Variants in AKR1C3 observed in about 807,000 individuals in gnomAD.
AKR1C3 encodes aldo-keto reductase family 1 member C3.
A neutral mutation model predicts 43.6 loss-of-function variants in AKR1C3; 48 were observed. The ratio of observed to expected loss-of-function variants is 1.10; its 90% CI spans 0.87 to 1.40. AKR1C3 has a LOEUF of 1.40. Among genes scored for constraint, AKR1C3 ranks in the 40% most tolerant of loss-of-function variants. AKR1C3 has a pLI of 0.00. For missense variants in AKR1C3, 482 were observed against 391.2 expected, an observed-to-expected ratio of 1.23 and a Z score of -1.96; for synonymous variants, 162 against 139.6, an observed-to-expected ratio of 1.16 and a Z score of -1.13.
chr10:5,056,686 G>A (rs1378858692), intron 1 of AKR1C3, among the ~76,000 whole-genome samples: 1 of 152,150 alleles, frequency 6.6e-6, no homozygotes, highest in East Asian at 1.9e-4. Context: ...CTTCAGGGTT[G>A]ATTCCCTCCT....
chr10:5,059,672 C>T (rs1412448381), intron 1 of AKR1C3, among the ~76,000 whole-genome samples: 1 of 152,070 alleles, frequency 6.6e-6, no homozygotes, highest in Non-Finnish European at 1.5e-5. Flanking sequence ...GTATTTAGCC[C>T]CCAAATTCTA....
chr10:5,096,701 A>T, intron 2 of AKR1C3, 124 bp downstream of exon 2: 1 of 1,423,016 alleles, frequency 7.0e-7, no homozygotes, highest in South Asian at 1.6e-5. Flanking sequence ...TTATTCACAC[A>T]TACTCACATA....
intron 1 of AKR1C3, among the ~76,000 whole-genome samples, chr10:5,071,549 G>A (rs1588339325): frequency 6.6e-6 from 1 of 152,174 alleles, no homozygotes; most frequent in Non-Finnish European, 1.5e-5. Flanking sequence ...AGGCTCCTCT[G>A]AGTCTCTTTT....
intron 1 of AKR1C3, among the ~76,000 whole-genome samples, chr10:5,058,169 T>C (rs1226809090): frequency 1.3e-4 from 19 of 151,720 alleles, no homozygotes; most frequent in African/African-American, 9.7e-5. Context: ...GGAAGGGGAG[T>C]TATAGGGAGG....
intron 8 of AKR1C3, 60 bp from the exon 9 acceptor site, chr10:5,107,401 T>C: frequency 8.2e-7 from 1 of 1,222,600 alleles, no homozygotes; most frequent in South Asian, 1.2e-5. Context: ...TTGAAATCAC[T>C]TTACTACTCC....
At chr10:5,106,549 G>C (rs1363126597) in intron 8 of AKR1C3, among the ~76,000 whole-genome samples, 1 of 152,038 alleles carries the variant, frequency 6.6e-6, no homozygotes, top group Non-Finnish European at 1.5e-5. Context: ...TCAGGAGTTC[G>C]AGACCAGCCT....
At chr10:5,104,994 T>C (rs1588361825) in intron 7 of AKR1C3, among the ~76,000 whole-genome samples, 1 of 150,030 alleles carries the variant, frequency 6.7e-6, no homozygotes, top group Non-Finnish European at 1.5e-5. Context: ...AGTCAATTTA[T>C]AGATTTATTC....
At chr10:5,098,723 C>T (rs1202371103) in intron 3 of AKR1C3, 79 bp from the exon 4 acceptor site, 1 of 1,125,690 alleles carries the variant, frequency 8.9e-7, no homozygotes, top group Non-Finnish European at 1.3e-6. Flanking sequence ...GGATTAGTGT[C>T]CTTAAAGGTA....
chr10:5,078,652 T>C (rs1838768045), intron 1 of AKR1C3, among the ~76,000 whole-genome samples: 1 of 152,156 alleles, frequency 6.6e-6, no homozygotes, highest in African/African-American at 2.4e-5. Flanking sequence ...AATATGATTT[T>C]TAAATAGAAT....
chr10:5,068,841 G>A (rs1487241215), intron 1 of AKR1C3, among the ~76,000 whole-genome samples: 1 of 152,192 alleles, frequency 6.6e-6, no homozygotes, highest in Non-Finnish European at 1.5e-5. Context: ...CTGTCCTCAG[G>A]CCTTACCTAG....
chr10:5,100,404 C>A (rs1237018720), intron 5 of AKR1C3, among the ~76,000 whole-genome samples: 1 of 152,218 alleles, frequency 6.6e-6, no homozygotes, highest in Non-Finnish European at 1.5e-5. Flanking sequence ...CTGCCCATGT[C>A]TTAGTCTGCT....
At chr10:5,082,351 C>A (rs1554782447) in intron 1 of AKR1C3, among the ~76,000 whole-genome samples, 1 of 152,050 alleles carries the variant, frequency 6.6e-6, no homozygotes, top group African/African-American at 2.4e-5. Flanking sequence ...AGTGGACATC[C>A]TTGTCTTGTT....
intron 1 of AKR1C3, among the ~76,000 whole-genome samples, chr10:5,059,788 C>T (rs797041123): frequency 5.9e-5 from 9 of 151,960 alleles, no homozygotes; most frequent in East Asian, 5.8e-4. Context: ...TCTCACCCCT[C>T]GGCGATAGTC....
In AKR1C3 at chr10:5,102,657, A is replaced by G; in HGVS notation, c.846+7A>G. On this transcript the variant is annotated splice_region_variant and intron_variant, in intron 7 of 8. Transcript: ENST00000380554. Reference sequence around the variant, plus strand: ...CATCAGACAGAACGTGCAGGTGAGGAGCGGGGCTGTGGGCCTCAGGTCTCC... The same window carrying G: ...CATCAGACAGAACGTGCAGGTGAGGGGCGGGGCTGTGGGCCTCAGGTCTCC... The G allele has an allele frequency of 6.9e-7, 1 of 1,456,076 alleles. No individual in the cohort carries two copies. The highest frequency in any genetic ancestry group is 9.1e-7 in the Non-Finnish European group (1 of 1,101,872). The allele number at this position is 1,456,076 out of a possible 1,614,324, so 90.2% of individuals were successfully genotyped here.
intron 7 of AKR1C3, chr10:5,105,233 T>TTC (rs147107841): frequency 0.26 from 43,198 of 166,396 alleles, 5,887 homozygotes; most frequent in Middle Eastern, 0.38. Context: ...ATATATAATC[T>TTC]TGTTATTTAA....
chr10:5,062,298 T>C (rs1411368492), intron 1 of AKR1C3, among the ~76,000 whole-genome samples: 4 of 152,210 alleles, frequency 2.6e-5, no homozygotes, highest in Non-Finnish European at 4.4e-5. Flanking sequence ...TTCCTTAAAC[T>C]ATGTATTCCT....
chr10:5,105,791 G>A, intron 8 of AKR1C3, 114 bp downstream of exon 8: 2 of 782,544 alleles, frequency 2.6e-6, no homozygotes, highest in Non-Finnish European at 4.3e-6. Context: ...AGTCAGAGGT[G>A]AGACTGGAAC....
chr10:5,096,495 A>C lies in AKR1C3; in HGVS notation c.170A>C (p.Asn57Thr). ...RHIDSAHLYN[N>T]EEQVGLAIRS... The stretch of plus-strand genomic sequence containing the variant: ...ATAGATTCTGCTCATTTATACAATA[A>C]TGAGGAGCAGGTTGGACTGGCCATC... The change falls in exon 2 of 9, where the codon AAT (asparagine) becomes ACT (threonine). Residue 57 changes from asparagine to threonine, a missense_variant. Physicochemically the swap from Asn to Thr is moderately conservative, Grantham distance 65. Transcript: ENST00000380554. 1 of 1,613,880 alleles carries C rather than the reference A, an allele frequency of 6.2e-7. No individual in the cohort carries two copies. Among genetic ancestry groups the C allele is most frequent in the Non-Finnish European group, 8.5e-7 (1 of 1,179,784 alleles).
intron 1 of AKR1C3, among the ~76,000 whole-genome samples, chr10:5,095,025 G>C (rs1554784932): frequency 6.6e-6 from 1 of 152,036 alleles, no homozygotes; most frequent in African/African-American, 2.4e-5. Flanking sequence ...ACCTGGACTA[G>C]AGTTTCCACT....
Sources: allele counts gnomAD v4.1 joint callset (sites outside exome capture counted in the v4.1 genomes callset), GRCh38; gene constraint gnomAD v4.1.1; transcripts MANE v1.5; gene names NCBI Gene and HGNC (gene_info 2026-07-23, HGNC 2026-07-21).